Variants in DNAH3 observed in about 807,000 individuals in gnomAD.
DNAH3 encodes the protein axonemal beta dynein heavy chain 3.
DNAH3 carries 332 observed loss-of-function variants against 432.5 expected under a neutral mutation model. The observed-to-expected ratio is 0.77, with a 90% CI of 0.70 to 0.84. The LOEUF (loss-of-function observed/expected upper bound fraction) is 0.84, where lower values mean the gene tolerates loss of function less well. Ranked by LOEUF, DNAH3 falls within the 40% of genes least tolerant of loss-of-function variation. The pLI is 0.00. For synonymous variants in DNAH3, 1,956 were observed against 1,900.2 expected (o/e 1.03, Z -0.76); for missense variants, 4,861 against 5,114.0 (o/e 0.95, Z 1.51).
At position 20,987,345 on chromosome 16, in the gene DNAH3, T is replaced by C. The variant is rs201035603; in HGVS notation, c.6986A>G (p.Lys2329Arg). ...CTTGAAGCAATTGGAGGTGGTTTCC[T>C]TCACCATGTTGAAAAAGACCTGTCT... The change falls in exon 47 of 62, where the codon AAG becomes AGG. Residue 2329 changes from lysine (K) to arginine (R), a missense_variant. By Grantham distance (26) the Lys-to-Arg change is conservative. Coordinates refer to ENST00000261383, the Ensembl canonical transcript of DNAH3. 70 of 1,614,080 alleles carry C rather than the reference T, an allele frequency of 4.3e-5. No homozygotes were observed. The highest frequency in any genetic ancestry group is 5.5e-5 in the Non-Finnish European group (65 of 1,180,042).
At chr16:20,996,254 G>A (rs1022261716) in intron 44 of DNAH3, among the ~76,000 whole-genome samples, 2 of 151,852 alleles carry the variant, frequency 1.3e-5, no homozygotes, top group Admixed American at 1.3e-4. Context: ...GCTAGCATGT[G>A]TATATACCAT....
chr16:21,114,668 A>C (rs1005512659), intron 12 of DNAH3, among the ~76,000 whole-genome samples: 14 of 152,224 alleles, frequency 9.2e-5, no homozygotes, highest in African/African-American at 3.1e-4. Context: ...CATCAGAGAA[A>C]TGCAAATCAA....
At chr16:21,009,379 G>C (rs563684952) in intron 41 of DNAH3, among the ~76,000 whole-genome samples, 11 of 152,164 alleles carry the variant, frequency 7.2e-5, no homozygotes, top group African/African-American at 2.4e-4. Context: ...GCAAGGAAAC[G>C]GATTTTTTGA....
chr16:20,936,599 C>T, intron 60 of DNAH3, 50 bp downstream of exon 60: 2 of 1,513,604 alleles, frequency 1.3e-6, no homozygotes, highest in Non-Finnish European at 1.8e-6. Flanking sequence ...AATGTCCTCT[C>T]CACCTAAGCA....
At chr16:20,981,196 G>A (rs1364200138) in intron 49 of DNAH3, among the ~76,000 whole-genome samples, 1 of 152,176 alleles carries the variant, frequency 6.6e-6, no homozygotes, top group Non-Finnish European at 1.5e-5. Flanking sequence ...ATCCCACTGG[G>A]GTTTACTGCC....
chr16:21,086,927 C>T, exon 19 of DNAH3: 1 of 1,614,226 alleles, frequency 6.2e-7, no homozygotes, highest in South Asian at 1.1e-5. Context: ...ACTTATCGAT[C>T]TTGATCTTCA....
intron 20 of DNAH3, among the ~76,000 whole-genome samples, chr16:21,080,544 G>A (rs1457375559): frequency 1.3e-5 from 2 of 152,170 alleles, no homozygotes; most frequent in Admixed American, 1.3e-4. Flanking sequence ...TGCACTGTAG[G>A]GGCTCAATGG....
chr16:21,139,128 T>G (rs985586810), intron 5 of DNAH3, among the ~76,000 whole-genome samples: 1 of 152,126 alleles, frequency 6.6e-6, no homozygotes, highest in East Asian at 1.9e-4. Context: ...AACTCCAACA[T>G]CTATCTAGAG....
At chr16:20,993,067 T>C (rs1009301008) in intron 44 of DNAH3, among the ~76,000 whole-genome samples, 1 of 152,060 alleles carries the variant, frequency 6.6e-6, no homozygotes, top group African/African-American at 2.4e-5. Flanking sequence ...GGTTTCACCA[T>C]GTTGGCCAGG....
intron 24 of DNAH3, among the ~76,000 whole-genome samples, chr16:21,065,665 T>G (rs984061837): frequency 8.5e-5 from 13 of 152,196 alleles, no homozygotes; most frequent in African/African-American, 3.1e-4. Flanking sequence ...AGTTAAAAAT[T>G]GGCTTCCTCA....
intron 40 of DNAH3, among the ~76,000 whole-genome samples, chr16:21,020,091 G>C (rs1398734772): frequency 6.7e-6 from 1 of 149,900 alleles, no homozygotes; most frequent in Non-Finnish European, 1.5e-5. Context: ...TGCAGTCACA[G>C]CTCACTGTAG....
intron 50 of DNAH3, among the ~76,000 whole-genome samples, chr16:20,978,476 C>G (rs2085699565): frequency 1.3e-5 from 2 of 152,158 alleles, no homozygotes; most frequent in Non-Finnish European, 2.9e-5. Flanking sequence ...TTGCAGTGAG[C>G]TGAGATTGCG....
At chr16:21,135,611 T>C (rs1294219610) in intron 6 of DNAH3, among the ~76,000 whole-genome samples, 1 of 152,142 alleles carries the variant, frequency 6.6e-6, no homozygotes, top group Non-Finnish European at 1.5e-5. Context: ...GAGAATTGCG[T>C]GAACCCAGGG....
intron 11 of DNAH3, among the ~76,000 whole-genome samples, chr16:21,118,963 G>C (rs1412431387): frequency 2.0e-5 from 3 of 152,206 alleles, no homozygotes; most frequent in African/African-American, 7.2e-5. Flanking sequence ...GAGTTACATG[G>C]GTTATATGCC....
At chr16:21,005,295 C>T (rs927034461) in intron 41 of DNAH3, among the ~76,000 whole-genome samples, 11 of 145,882 alleles carry the variant, frequency 7.5e-5, no homozygotes, top group Non-Finnish European at 1.7e-4. Context: ...TCCTTGCTTC[C>T]CTCCTTCCCT....
chr16:21,113,934 G>T (rs2092129615), intron 12 of DNAH3, among the ~76,000 whole-genome samples: 1 of 152,184 alleles, frequency 6.6e-6, no homozygotes, highest in Non-Finnish European at 1.5e-5. Flanking sequence ...AAGACCCCCA[G>T]TGAATGCCTG....
rs374055192 is a variant in DNAH3, at chr16:20,973,254, C to CT, written c.8259+1978dup. 4.3e-4 allele frequency among the ~76,000 whole-genome samples: 64 copies of CT among 149,498 alleles called. No homozygotes were observed. The East Asian group carries it at 6.1e-3, about 14-fold the overall frequency. Reference sequence around the variant, plus strand: ...CTCTCATATGCCCATGTCTGTCATTCTTTTTTTTTTCTTTTTGAGATAAGG... The same window carrying CT: ...CTCTCATATGCCCATGTCTGTCATTCTTTTTTTTTTTCTTTTTGAGATAAGG... On this transcript the variant is annotated intron_variant, in intron 51 of 61. Transcript: ENST00000261383.
intron 44 of DNAH3, among the ~76,000 whole-genome samples, chr16:20,995,949 C>T (rs866031979): frequency 1.5e-4 from 23 of 152,262 alleles, no homozygotes; most frequent in African/African-American, 5.5e-4. Flanking sequence ...TTCCTTCCCG[C>T]TGCGTTCTCC....
chr16:21,106,873 G>A (rs559359225), intron 14 of DNAH3, among the ~76,000 whole-genome samples, 199 bp from the exon 15 acceptor site: 1 of 152,014 alleles, frequency 6.6e-6, no homozygotes, highest in South Asian at 2.1e-4. Flanking sequence ...AGGAATAATA[G>A]CAGTTGTAAT....
Sources: gnomAD v4.1 joint callset for allele counts (sites outside exome capture counted in the v4.1 genomes callset) on GRCh38, gnomAD v4.1.1 for gene constraint, MANE v1.5 for transcripts, NCBI Gene and HGNC (gene_info 2026-07-23, HGNC 2026-07-21) for gene names.